SPG11: variants seen among roughly 807,000 people sequenced by gnomAD.
SPG11 encodes the protein spatacsin.
Under a neutral mutation model 274.0 loss-of-function variants are expected in SPG11, and 222 were observed. That is an observed-to-expected ratio of 0.81 (90% CI 0.73 to 0.91). The LOEUF (loss-of-function observed/expected upper bound fraction) is 0.91. SPG11 is among the 40% of genes least tolerant of loss of function. The pLI is 0.00. For missense variants in SPG11, 3,114 were observed against 2,872.7 expected, an observed-to-expected ratio of 1.08 and a Z score of -1.92; for synonymous variants, 1,144 against 1,039.7, an observed-to-expected ratio of 1.10 and a Z score of -1.93.
At chr15:44,566,939 G>T (rs369068261) in intron 36 of SPG11, among the ~76,000 whole-genome samples, 1 of 152,016 alleles carries the variant, frequency 6.6e-6, no homozygotes, top group African/African-American at 2.4e-5. Context: ...CTGAGCTCAG[G>T]CAATCCACCT....
At chr15:44,585,308 G>C (rs2082732942) in intron 29 of SPG11, among the ~76,000 whole-genome samples, 1 of 151,846 alleles carries the variant, frequency 6.6e-6, no homozygotes, top group African/African-American at 2.4e-5. Context: ...AGACCAATGA[G>C]GCTGGGCGTG....
At chr15:44,583,789 G>A (rs1266773029) in intron 30 of SPG11, 25 bp downstream of exon 30, 5 of 1,613,902 alleles carry the variant, frequency 3.1e-6, no homozygotes, top group South Asian at 1.1e-5. Context: ...TTAAGACTCT[G>A]GGCCATCTGA....
At chr15:44,644,509 A>G (rs2084549996) in intron 7 of SPG11, among the ~76,000 whole-genome samples, 1 of 152,176 alleles carries the variant, frequency 6.6e-6, no homozygotes, top group Admixed American at 6.5e-5. Context: ...TGTGAGAACC[A>G]TAACAAGACA....
At chr15:44,598,938 G>T in intron 21 of SPG11, 102 bp from the exon 22 acceptor site, 1 of 1,159,830 alleles carries the variant, frequency 8.6e-7, no homozygotes, top group Non-Finnish European at 1.3e-6. Context: ...TGCCAGCCAT[G>T]TGATTTGTGG....
In SPG11 at chr15:44,651,677, G is replaced by T. The variant is rs141596008; in HGVS notation, c.1270C>A (p.Pro424Thr). Residue 424 changes from proline (P) to threonine (T), a missense_variant, in exon 6 of 40, where the codon CCC becomes ACC. Physicochemically the swap from Pro to Thr is conservative, Grantham distance 38. Coordinates refer to ENST00000261866, the MANE Select transcript of SPG11 (RefSeq NM_025137.4). ...KIMHISEQEE[P>T]IELKCVSVTG... is the part of the protein sequence containing the mutation. The stretch of plus-strand genomic sequence containing the variant: ...ACAGACACACATTTAAGCTCTATGG[G>T]TTCCTCTTGTTCACTGATGTGCATT... The T allele has an allele frequency of 7.6e-5, 123 of 1,614,178 alleles. No homozygotes were observed. The African/African-American group carries it at 1.3e-3, about 17-fold the overall frequency.
Position 44,646,991 on chromosome 15 carries a change from T to A in SPG11, c.1602+1875A>T, listed in dbSNP as rs183794033. ...GAACCTAAAATAAAAGTTAAAAAAA[T>A]TTTAAAAAGGTGAAATAACAACCCA... On this transcript the variant is annotated intron_variant, in intron 7 of 39. Transcript: ENST00000261866. Among the ~76,000 whole-genome samples the A allele has an allele frequency of 7.2e-5, 11 of 152,180 alleles. No homozygotes were observed. The East Asian group carries it at 1.9e-3, about 27-fold the overall frequency.
chr15:44,645,665 C>T (rs1344222306), intron 7 of SPG11, among the ~76,000 whole-genome samples: 2 of 152,060 alleles, frequency 1.3e-5, no homozygotes, highest in African/African-American at 4.8e-5. Flanking sequence ...AATAAACTAT[C>T]AATAAACAGA....
intron 20 of SPG11, among the ~76,000 whole-genome samples, chr15:44,601,797 G>T (rs1276732055): frequency 6.6e-6 from 1 of 152,012 alleles, no homozygotes; most frequent in Non-Finnish European, 1.5e-5. Flanking sequence ...GGCCTCGGGT[G>T]ATCTGCCCAC....
chr15:44,573,773 C>T, intron 31 of SPG11, 28 bp from the exon 32 acceptor site: 1 of 1,612,448 alleles, frequency 6.2e-7, no homozygotes, highest in Non-Finnish European at 8.5e-7. Flanking sequence ...CCAGTCAAGG[C>T]CACTTTTAGA....
At chr15:44,598,598 T>C (rs765698302) in intron 22 of SPG11, 33 bp downstream of exon 22, 1 of 1,603,084 alleles carries the variant, frequency 6.2e-7, no homozygotes, top group Non-Finnish European at 8.5e-7. Context: ...ACACCTTCTC[T>C]AAACAAAGCA....
At chr15:44,616,147 T>C (rs1292392253) in intron 15 of SPG11, among the ~76,000 whole-genome samples, 1 of 151,958 alleles carries the variant, frequency 6.6e-6, no homozygotes, top group African/African-American at 2.4e-5. Flanking sequence ...CCCAACTGCA[T>C]GCCCTTTGCT....
chr15:44,660,557 G>A lies in SPG11; in HGVS notation c.317C>T (p.Ala106Val). 1 of 1,614,126 alleles carries A rather than the reference G, an allele frequency of 6.2e-7. No individual in the cohort carries two copies. Among genetic ancestry groups the A allele is most frequent in the Middle Eastern group, 1.6e-4 (1 of 6,062 alleles). The change falls in exon 2 of 40, where the codon GCT becomes GTT. Residue 106 changes from alanine to valine, a missense_variant. Physicochemically the swap from Ala to Val is moderately conservative, Grantham distance 64 (BLOSUM62 0). Transcript: ENST00000261866. ...STPTEKPKLL[A>V]LGENYELLIY... ...AAGCAGTTCATAATTTTCACCAAGA[G>A]CGAGCAGTTTGGGCTTTTCAGTTGG...
chr15:44,661,944 T>C lies in SPG11; in HGVS notation c.258-1328A>G, dbSNP rs146557189. Among the ~76,000 whole-genome samples the C allele has an allele frequency of 7.2e-3, 1,092 of 152,298 alleles. 14 individuals carry two copies. The highest frequency in any genetic ancestry group is 0.024 in the African/African-American group (1,014 of 41,558). ...CAACTAAAAAAGTTAAAAAGTCCTT[T>C]CTTGGTCCTCCTCCCCTCTAATTTC... On this transcript the variant is annotated intron_variant, in intron 1 of 39. Coordinates refer to ENST00000261866, the MANE Select transcript of SPG11 (RefSeq NM_025137.4).
chr15:44,648,543 A>C (rs1395942014), intron 7 of SPG11, among the ~76,000 whole-genome samples: 6 of 151,492 alleles, frequency 4.0e-5, no homozygotes, highest in Non-Finnish European at 8.8e-5. Flanking sequence ...AGTAGGAAGC[A>C]TAAGGTAGGA....
intron 4 of SPG11, among the ~76,000 whole-genome samples, chr15:44,654,329 G>A (rs1292184257): frequency 6.6e-6 from 1 of 152,004 alleles, no homozygotes; most frequent in Non-Finnish European, 1.5e-5. Flanking sequence ...GGCCAACATG[G>A]CGAAACCGTT....
Position 44,585,623 on chromosome 15 carries a change from A to T in SPG11, c.5121+13T>A. On this transcript the variant is annotated intron_variant, in intron 29 of 39. Transcript: ENST00000261866. ...TATCTAAAAAAAAAAAAAAAAAAAAAGACCGATGATACCTCTTTAATAACC... is the reference window on the plus strand; with the variant it reads ...TATCTAAAAAAAAAAAAAAAAAAAATGACCGATGATACCTCTTTAATAACC... The T allele has an allele frequency of 6.5e-7, 1 of 1,546,204 alleles. No homozygotes were observed. Among genetic ancestry groups the T allele is most frequent in the Non-Finnish European group, 8.9e-7 (1 of 1,129,510 alleles).
At position 44,659,320 on chromosome 15, in the gene SPG11, T is replaced by C. The variant is rs1169622458; in HGVS notation, c.443-17A>G. 1 of 1,596,736 alleles carries C rather than the reference T, an allele frequency of 6.3e-7. No homozygotes were observed. The highest frequency in any genetic ancestry group is 1.1e-5 in the South Asian group (1 of 90,524). On this transcript the variant is annotated splice_polypyrimidine_tract_variant and intron_variant, in intron 2 of 39. Coordinates refer to ENST00000261866, the MANE Select transcript of SPG11 (RefSeq NM_025137.4). The stretch of plus-strand genomic sequence containing the variant: ...AGGAAATACCTACAAAACAAAAGGA[T>C]ATTATTTCAAACTCATTGGTCACAA...
rs1567142972 is a variant in SPG11, at chr15:44,589,346, G to A, written c.4812C>T (p.Phe1604=). The change falls in exon 28 of 40, where the codon TTC becomes TTT. Residue 1604 remains phenylalanine, a synonymous_variant. Coordinates refer to ENST00000261866, the MANE Select transcript of SPG11 (RefSeq NM_025137.4). Reference sequence around the variant, plus strand: ...ACTGCTGTAGCATAAGCTTCAAAAGGAAACACACCTGATCCTCCAGCCACA... The same window carrying A: ...ACTGCTGTAGCATAAGCTTCAAAAGAAAACACACCTGATCCTCCAGCCACA... ...PAMWLEDQVC[F]LLKLMLQQCK... is the part of the protein sequence containing the mutation. The A allele has an allele frequency of 2.5e-6, 4 of 1,614,146 alleles. No homozygotes were observed. Among genetic ancestry groups the A allele is most frequent in the Non-Finnish European group, 2.5e-6 (3 of 1,180,000 alleles).
At chr15:44,598,963 C>T (rs1469348002) in intron 21 of SPG11, 127 bp from the exon 22 acceptor site, 1 of 938,606 alleles carries the variant, frequency 1.1e-6, no homozygotes, top group Non-Finnish European at 1.7e-6. Flanking sequence ...CTCTCCCTTA[C>T]CTTTTGCCCC....
Sources: allele counts gnomAD v4.1 joint callset (sites outside exome capture counted in the v4.1 genomes callset), GRCh38; gene constraint gnomAD v4.1.1; transcripts MANE v1.5; gene names NCBI Gene and HGNC (gene_info 2026-07-23, HGNC 2026-07-21).